Variants in ATR observed in about 807,000 individuals in gnomAD.
ATR encodes ATR checkpoint kinase.
Under a neutral mutation model 305.3 loss-of-function variants are expected in ATR, and 142 were observed. The ratio of observed to expected loss-of-function variants is 0.47; its 90% CI spans 0.41 to 0.53. ATR has a LOEUF of 0.53. Among genes scored for constraint, ATR ranks in the 20% least tolerant of loss-of-function variants. ATR has a pLI of 0.00. For synonymous variants in ATR, 1,050 were observed against 1,068.1 expected, an observed-to-expected ratio of 0.98 and a Z score of 0.33; for missense variants, 2,135 against 3,133.1, an observed-to-expected ratio of 0.68 and a Z score of 7.60.
chr3:142,516,835 C>T lies in ATR; in HGVS notation c.4383-1320G>A, dbSNP rs143076592. On this transcript the variant is annotated intron_variant, in intron 24 of 46. Coordinates refer to ENST00000350721, the MANE Select transcript of ATR (RefSeq NM_001184.4). ...AACATGACCCTTTCTATTTGTTCCT[C>T]AGCATTAACATTTAAACATGTTCAC... Among the ~76,000 whole-genome samples, 229 of 152,172 alleles carry T rather than the reference C, an allele frequency of 1.5e-3. 2 individuals are homozygous for T. The highest frequency in any genetic ancestry group is 5.4e-3 in the African/African-American group (223 of 41,518).
intron 15 of ATR, 104 bp from the exon 16 acceptor site, chr3:142,548,014 C>T: frequency 2.1e-6 from 2 of 973,836 alleles, no homozygotes; most frequent in Non-Finnish European, 3.1e-6. Context: ...AGCTCTAGCC[C>T]AGATGACAGG....
At chr3:142,478,436 TG>T (rs1284219552) in intron 36 of ATR, among the ~76,000 whole-genome samples, 1 of 152,244 alleles carries the variant, frequency 6.6e-6, no homozygotes, top group Non-Finnish European at 1.5e-5. Context: ...CTAGTTTGAT[TG>T]CACTGTGGTC....
intron 40 of ATR, 71 bp downstream of exon 40, chr3:142,466,253 A>C: frequency 6.8e-7 from 1 of 1,461,154 alleles, no homozygotes; most frequent in South Asian, 1.2e-5. Context: ...TGTGAAATAC[A>C]CTTTTTATCT....
intron 26 of ATR, among the ~76,000 whole-genome samples, chr3:142,513,130 C>T (rs2032661954): frequency 1.3e-5 from 2 of 151,792 alleles, no homozygotes; most frequent in African/African-American, 4.8e-5. Flanking sequence ...GAAAATATAG[C>T]AAATAAGTTC....
chr3:142,488,860 G>A (rs1361490013), intron 35 of ATR, among the ~76,000 whole-genome samples: 1 of 152,154 alleles, frequency 6.6e-6, no homozygotes, highest in East Asian at 1.9e-4. Flanking sequence ...TCAGTTTGTA[G>A]AGAAATAATT....
intron 36 of ATR, among the ~76,000 whole-genome samples, chr3:142,483,736 G>A (rs1250515044): frequency 6.6e-6 from 1 of 152,182 alleles, no homozygotes; most frequent in Admixed American, 6.6e-5. Flanking sequence ...ACTCAGAAGG[G>A]TGAGCCAGAG....
At chr3:142,539,948 T>C (rs750260884) in intron 18 of ATR, among the ~76,000 whole-genome samples, 7 of 152,138 alleles carry the variant, frequency 4.6e-5, no homozygotes, top group Non-Finnish European at 1.0e-4. Context: ...GGGATTCAGG[T>C]TGATAAAACC....
intron 30 of ATR, among the ~76,000 whole-genome samples, chr3:142,502,337 G>A (rs1164694983): frequency 6.6e-6 from 1 of 152,056 alleles, no homozygotes; most frequent in Non-Finnish European, 1.5e-5. Context: ...AATGGTAGAT[G>A]GGATAAAGAA....
Position 142,556,132 on chromosome 3 carries a change from C to A in ATR, c.2086G>T (p.Val696Phe). 1 of 1,613,254 alleles carries A rather than the reference C, an allele frequency of 6.2e-7. No individual in the cohort carries two copies. The highest frequency in any genetic ancestry group is 1.1e-5 in the South Asian group (1 of 90,752). The change falls in exon 10 of 47, where the codon GTC (valine) becomes TTC (phenylalanine). Residue 696 changes from valine (V) to phenylalanine (F), a missense_variant. Around this residue, in one of 9 missense-constraint regions of ATR, gnomAD observed 744 missense variants for 873.2 expected, o/e 0.85. Coordinates refer to ENST00000350721, the MANE Select transcript of ATR (RefSeq NM_001184.4). The stretch of plus-strand genomic sequence containing the variant: ...TTGACAATGTCAGAATCATCTTTGA[C>A]TTTATCTCTGGGGAAAAAAAAGAAA... ...NRVPKILIDK[V>F]KDDSDIVKKE...
At chr3:142,487,460 T>G (rs546554101) in intron 35 of ATR, among the ~76,000 whole-genome samples, 1 of 152,212 alleles carries the variant, frequency 6.6e-6, no homozygotes, top group African/African-American at 2.4e-5. Context: ...ATTTTTTATC[T>G]GGCTTATTTC....
At chr3:142,500,165 G>A in intron 30 of ATR, 1 of 173,618 alleles carries the variant, frequency 5.8e-6, no homozygotes, top group Non-Finnish European at 1.2e-5. Context: ...GGGGGCCAGT[G>A]GTATAACTTA....
At position 142,467,919 on chromosome 3, in the gene ATR, A is replaced by G; in HGVS notation, c.6687+15T>C. 1 of 1,611,706 alleles carries G rather than the reference A, an allele frequency of 6.2e-7. No homozygotes were observed. The highest frequency in any genetic ancestry group is 1.1e-5 in the South Asian group (1 of 90,840). On this transcript the variant is annotated intron_variant, in intron 39 of 46. Transcript: ENST00000350721. ...ACCCAACATCAGTTTATAAGCACTA[A>G]GATTATGATAGTACCGGTTTATTGC...
chr3:142,457,767 T>G lies in ATR; in HGVS notation c.7504-12A>C, dbSNP rs573373459. Reference sequence around the variant, plus strand: ...TCAAAGGTTTCTCCCTTAGAAACAATACATTTTATTACAAACTAACAATGT... The same window carrying G: ...TCAAAGGTTTCTCCCTTAGAAACAAGACATTTTATTACAAACTAACAATGT... On this transcript the variant is annotated splice_polypyrimidine_tract_variant and intron_variant, in intron 44 of 46. Transcript: ENST00000350721. 1.4e-5 allele frequency: 22 copies of G among 1,612,180 alleles called. No homozygotes were observed. In the South Asian group the frequency reaches 2.4e-4, roughly 18 times the overall value.
Position 142,553,836 on chromosome 3 carries a change from A to G in ATR, c.2521T>C (p.Phe841Leu), listed in dbSNP as rs755497858. Residue 841 changes from phenylalanine to leucine, a missense_variant, in exon 11 of 47, where the codon TTT (phenylalanine) becomes CTT (leucine). By Grantham distance (22) the Phe-to-Leu change is conservative. Around this residue, in one of 9 missense-constraint regions of ATR, gnomAD observed 530 missense variants for 766.8 expected, o/e 0.69. Transcript: ENST00000350721. ...CAAAAATTATCAACCTCCTTTATAAATCCATCTTCAGAGTCCAAGGATTCC... is the reference window on the plus strand; with the variant it reads ...CAAAAATTATCAACCTCCTTTATAAGTCCATCTTCAGAGTCCAAGGATTCC... Reference protein sequence around the residue: ...ILESLDSEDGFIKELFVLRMK... With the variant: ...ILESLDSEDGLIKELFVLRMK... 2 of 1,613,492 alleles carry G rather than the reference A, an allele frequency of 1.2e-6. No individual in the cohort carries two copies. The highest frequency in any genetic ancestry group is 2.2e-5 in the South Asian group (2 of 91,076).
In ATR at chr3:142,453,251, A is replaced by G; in HGVS notation, c.7656-18T>C. On this transcript the variant is annotated intron_variant, in intron 45 of 46. Transcript: ENST00000350721. ...TTAAGACACTAAAATTGAAACAAAT[A>G]TTATGGTATGATGTTATCTTTGCAA... The G allele has an allele frequency of 3.1e-6, 5 of 1,608,258 alleles. No homozygotes were observed. Among genetic ancestry groups the G allele is most frequent in the Non-Finnish European group, 4.3e-6 (5 of 1,174,830 alleles).
intron 21 of ATR, among the ~76,000 whole-genome samples, chr3:142,533,663 A>G (rs1293043594): frequency 1.3e-5 from 2 of 152,058 alleles, no homozygotes; most frequent in Non-Finnish European, 2.9e-5. Context: ...CCTTGCCTTT[A>G]GTTTTTCTTA....
At chr3:142,450,899 G>A in intron 46 of ATR, 1 of 1,261,810 alleles carries the variant, frequency 7.9e-7, no homozygotes, top group South Asian at 1.6e-5. Context: ...GTTAAAAATG[G>A]TGAAAATAGC....
chr3:142,468,090 T>C (rs1266882319), intron 38 of ATR, 22 bp from the exon 39 acceptor site: 2 of 1,609,934 alleles, frequency 1.2e-6, no homozygotes, highest in Non-Finnish European at 1.7e-6. Flanking sequence ...AAGAGTTAAA[T>C]GTCATAAAAA....
intron 28 of ATR, 79 bp from the exon 29 acceptor site, chr3:142,505,382 T>TATTG (rs2108356716): frequency 1.3e-6 from 2 of 1,541,166 alleles, no homozygotes; most frequent in Non-Finnish European, 1.8e-6. Flanking sequence ...CACCTGTTTA[T>TATTG]ATTGAAACAG....
Sources: allele counts gnomAD v4.1 joint callset (sites outside exome capture counted in the v4.1 genomes callset), GRCh38; gene constraint gnomAD v4.1.1; regional missense constraint gnomAD v4.1.1; transcripts MANE v1.5; gene names NCBI Gene and HGNC (gene_info 2026-07-23, HGNC 2026-07-21).